Variants in RNF130 observed in about 807,000 individuals in gnomAD.
RNF130 encodes the protein E3 ubiquitin-protein ligase RNF130.
In RNF130, 21 loss-of-function variants were observed where a neutral mutation model predicts 44.6. The observed-to-expected ratio is 0.47, with a 90% confidence interval of 0.33 to 0.68. RNF130 has a LOEUF of 0.68. RNF130 is among the 30% of genes least tolerant of loss of function. The pLI is 0.02. For synonymous variants in RNF130, 214 were observed against 210.4 expected (o/e 1.02, Z -0.15); for missense variants, 479 against 560.6 (o/e 0.85, Z 1.47).
Position 179,966,872 on chromosome 5 carries a change from T to A in RNF130, c.1084A>T (p.Ile362Phe), listed in dbSNP as rs747095890. ...LGLEPLRTSGISPLPQDGELT... is the reference protein window; with the variant it reads ...LGLEPLRTSGFSPLPQDGELT... Reference sequence around the variant, plus strand: ...TCCCCATCCTGAGGAAGAGGTGAGATCCCCGAAGTTCGAAGTGGCTCAAGG... The same window carrying A: ...TCCCCATCCTGAGGAAGAGGTGAGAACCCCGAAGTTCGAAGTGGCTCAAGG... The change falls in exon 7 of 9, where the codon ATC becomes TTC. Residue 362 changes from isoleucine to phenylalanine, a missense_variant. Transcript: ENST00000521389. 57 of 1,614,130 alleles carry A rather than the reference T, an allele frequency of 3.5e-5. No individual in the cohort carries two copies. Among genetic ancestry groups the A allele is most frequent in the Non-Finnish European group, 4.5e-5 (53 of 1,180,016 alleles).
At chr5:179,959,231 G>A (rs1762274091) in intron 8 of RNF130, among the ~76,000 whole-genome samples, 1 of 152,114 alleles carries the variant, frequency 6.6e-6, no homozygotes, top group Non-Finnish European at 1.5e-5. Context: ...CCTGGAAACA[G>A]CTCTCATCTT....
chr5:180,052,107 T>C (rs1764698964), intron 1 of RNF130, among the ~76,000 whole-genome samples: 1 of 152,104 alleles, frequency 6.6e-6, no homozygotes, highest in Non-Finnish European at 1.5e-5. Flanking sequence ...TTTCTCACTT[T>C]CCACTGCTAG....
At chr5:179,982,352 A>G (rs1038999844) in intron 3 of RNF130, among the ~76,000 whole-genome samples, 1 of 151,922 alleles carries the variant, frequency 6.6e-6, no homozygotes, top group African/African-American at 2.4e-5. Flanking sequence ...TGACAACAAC[A>G]TTCTCAATTC....
intron 1 of RNF130, among the ~76,000 whole-genome samples, chr5:180,051,528 C>T (rs35988237): frequency 0.13 from 19,202 of 152,096 alleles, 1,380 homozygotes; most frequent in East Asian, 0.26. Flanking sequence ...TGAGCCACCG[C>T]GCCCCGGCCT....
At chr5:180,041,194 A>G (rs1764411110) in intron 1 of RNF130, among the ~76,000 whole-genome samples, 1 of 152,224 alleles carries the variant, frequency 6.6e-6, no homozygotes, top group East Asian at 1.9e-4. Flanking sequence ...TAAATGTCTA[A>G]GGAAAATTTA....
intron 3 of RNF130, among the ~76,000 whole-genome samples, chr5:179,990,843 G>GT (rs1376501088): frequency 2.0e-5 from 3 of 152,140 alleles, no homozygotes; most frequent in African/African-American, 7.2e-5. Context: ...TAATTGTAGA[G>GT]TAAGGATTAC....
intron 4 of RNF130, among the ~76,000 whole-genome samples, chr5:179,979,278 G>A (rs1488776165): frequency 6.6e-6 from 1 of 150,674 alleles, no homozygotes; most frequent in Non-Finnish European, 1.5e-5. Context: ...TTTCTTTGGT[G>A]TACAATAAAG....
rs1214695938 is a variant in RNF130, at chr5:179,958,683, G to A, written c.1245-3014C>T. ...GACGGACAATTTTAACTACTACAAA[G>A]TTGTTTCTTTCTTTTTTTTTGAGAC... On this transcript the variant is annotated intron_variant, in intron 8 of 8. Coordinates refer to ENST00000521389, the MANE Select transcript of RNF130 (RefSeq NM_018434.6). Among the ~76,000 whole-genome samples the A allele has an allele frequency of 2.0e-5, 3 of 152,162 alleles. No homozygotes were observed. The East Asian group carries it at 5.8e-4, about 29-fold the overall frequency.
At chr5:180,069,700 C>G (rs1582239001) in intron 1 of RNF130, among the ~76,000 whole-genome samples, 1 of 152,148 alleles carries the variant, frequency 6.6e-6, no homozygotes. Flanking sequence ...AGCAAACAGG[C>G]TAAATGGCAG....
Position 179,966,842 on chromosome 5 carries a change from T to G in RNF130, c.1114A>C (p.Thr372Pro). The G allele has an allele frequency of 6.2e-7, 1 of 1,614,070 alleles. No individual in the cohort carries two copies. The highest frequency in any genetic ancestry group is 8.5e-7 in the Non-Finnish European group (1 of 1,180,008). Reference protein sequence around the residue: ...ISPLPQDGELTPRTGEINIAV... With the variant: ...ISPLPQDGELPPRTGEINIAV... Reference sequence around the variant, plus strand: ...ATGTTGATTTCTCCTGTTCTCGGAGTGAGCTCCCCATCCTGAGGAAGAGGT... The same window carrying G: ...ATGTTGATTTCTCCTGTTCTCGGAGGGAGCTCCCCATCCTGAGGAAGAGGT... Residue 372 changes from threonine (T) to proline (P), a missense_variant, in exon 7 of 9, where the codon ACT becomes CCT. This residue lies in a region of RNF130 where 161 missense variants were observed against 158.6 expected (regional missense o/e 1.02). Transcript: ENST00000521389.
chr5:179,968,511 C>T (rs1363161209), intron 6 of RNF130, among the ~76,000 whole-genome samples: 1 of 150,166 alleles, frequency 6.7e-6, no homozygotes, highest in African/African-American at 2.5e-5. Flanking sequence ...ACTAAAAACA[C>T]AAAAATTAGC....
intron 2 of RNF130, among the ~76,000 whole-genome samples, chr5:180,039,040 T>C (rs886176861): frequency 2.6e-5 from 4 of 152,216 alleles, no homozygotes; most frequent in African/African-American, 7.2e-5. Flanking sequence ...TGTTTCCACA[T>C]AGATGTCCAG....
intron 1 of RNF130, among the ~76,000 whole-genome samples, chr5:180,066,621 A>T (rs564445211): frequency 2.4e-3 from 359 of 152,104 alleles, no homozygotes; most frequent in African/African-American, 8.3e-3. Context: ...AGATCACCTG[A>T]GGTTGGGAGT....
At chr5:180,030,498 C>A (rs1026274070) in intron 2 of RNF130, among the ~76,000 whole-genome samples, 16 of 152,192 alleles carry the variant, frequency 1.1e-4, no homozygotes, top group African/African-American at 3.9e-4. Context: ...AGAAAATTCA[C>A]TCACGCCGTT....
chr5:180,062,039 C>T (rs961229985), intron 1 of RNF130, among the ~76,000 whole-genome samples: 19 of 151,642 alleles, frequency 1.3e-4, no homozygotes, highest in African/African-American at 4.4e-4. Context: ...AAACATGCTT[C>T]CCCCTCCCCC....
intron 3 of RNF130, among the ~76,000 whole-genome samples, chr5:180,005,299 G>T (rs181559154): frequency 3.7e-4 from 56 of 152,222 alleles, no homozygotes; most frequent in African/African-American, 1.3e-3. Context: ...CTGGTGGTGG[G>T]CACCTGTAAT....
In RNF130 at chr5:179,971,313, G is replaced by A. The variant is rs911999320; in HGVS notation, c.849-807C>T. Among the ~76,000 whole-genome samples the A allele has an allele frequency of 1.8e-4, 28 of 152,196 alleles. 1 individual carries two copies. Among genetic ancestry groups the A allele is most frequent in the African/African-American group, 6.5e-4 (27 of 41,446 alleles). On this transcript the variant is annotated intron_variant, in intron 5 of 8. Coordinates refer to ENST00000521389, the MANE Select transcript of RNF130 (RefSeq NM_018434.6). Reference sequence around the variant, plus strand: ...GGAGAAGGTGGGTGCCAGGACAGACGTTCAGGGCAGCTTTGGAAGAAACAC... The same window carrying A: ...GGAGAAGGTGGGTGCCAGGACAGACATTCAGGGCAGCTTTGGAAGAAACAC...
At chr5:179,957,378 C>T (rs1762234043) in intron 8 of RNF130, among the ~76,000 whole-genome samples, 1 of 152,206 alleles carries the variant, frequency 6.6e-6, no homozygotes, top group African/African-American at 2.4e-5. Context: ...CACCACTGTA[C>T]TCCAGCCTGG....
At position 179,955,446 on chromosome 5, in the gene RNF130, A is replaced by T; in HGVS notation, c.*208T>A. On this transcript the variant is annotated 3_prime_UTR_variant, in exon 9 of 9. Coordinates refer to ENST00000521389, the MANE Select transcript of RNF130 (RefSeq NM_018434.6). ...CGAGCTTCAAATCAGCCCTCAAAACACAGGTCTGGTTAATAAGACTCAACA... is the reference window on the plus strand; with the variant it reads ...CGAGCTTCAAATCAGCCCTCAAAACTCAGGTCTGGTTAATAAGACTCAACA... 1 of 458,124 alleles carries T rather than the reference A, an allele frequency of 2.2e-6. No homozygotes were observed. Among genetic ancestry groups the T allele is most frequent in the East Asian group, 3.4e-5 (1 of 29,844 alleles). The allele number at this position is 458,124 out of a possible 1,614,324, so 28.4% of individuals were successfully genotyped here.
Sources: gnomAD v4.1 joint callset for allele counts (sites outside exome capture counted in the v4.1 genomes callset) on GRCh38, gnomAD v4.1.1 for gene constraint, gnomAD v4.1.1 regional missense constraint, MANE v1.5 for transcripts, NCBI Gene and HGNC (gene_info 2026-07-23, HGNC 2026-07-21) for gene names.